The following STON1 variants were observed in gnomAD, a reference collection of about 807,000 sequenced individuals.
The protein encoded by STON1 is stonin-1.
In STON1, 79 loss-of-function variants were observed where a neutral mutation model predicts 60.9. That is an observed-to-expected ratio of 1.30 (90% CI 1.08 to 1.56). The LOEUF (loss-of-function observed/expected upper bound fraction) is 1.56. Ranked by LOEUF, STON1 falls within the 40% of genes most tolerant of loss-of-function variation. The pLI is 0.00. For missense variants in STON1, 1,166 were observed against 858.9 expected, an observed-to-expected ratio of 1.36 and a Z score of -4.47; for synonymous variants, 363 against 306.9, an observed-to-expected ratio of 1.18 and a Z score of -1.91.
At position 48,575,759 on chromosome 2, in the gene STON1, G is replaced by GT. The variant is rs535300380; in HGVS notation, c.-47-4812dup. Among the ~76,000 whole-genome samples the GT allele has an allele frequency of 1.3e-3, 149 of 111,808 alleles. 9 individuals are homozygous for GT. Among genetic ancestry groups the GT allele is most frequent in the Middle Eastern group, 4.9e-3 (1 of 206 alleles). 73.4% of individuals were successfully genotyped at this position (111,808 alleles called of 152,430 possible). A position where few individuals can be genotyped will look rare whatever the true frequency, so the allele number is the denominator to read the frequency against. On this transcript the variant is annotated intron_variant, in intron 1 of 3. Transcript: ENST00000404752. ...GTAGTTCTATTTTTAGTTTTTGTTT[G>GT]TTTTTTTTTTTTTTTTGAGATGCAG...
chr2:48,559,954 C>A (rs1375030077), intron 1 of STON1, among the ~76,000 whole-genome samples: 1 of 152,164 alleles, frequency 6.6e-6, no homozygotes, highest in East Asian at 1.9e-4. Context: ...ATAGGCCATT[C>A]CAATCTGAAT....
In STON1 at chr2:48,581,944, T is replaced by G. The variant is rs1673912009; in HGVS notation, c.1311T>G (p.Ala437=). Residue 437 remains alanine (A), a synonymous_variant, in exon 2 of 4, where the codon GCT becomes GCG. Coordinates refer to ENST00000404752, the MANE Select transcript of STON1 (RefSeq NM_006873.4). ...VTKEGKFVES[A]VITQIYCLCF... Reference sequence around the variant, plus strand: ...AAGAAGGAAAATTTGTTGAAAGTGCTGTGATAACTCAAATTTATTGCCTCT... The same window carrying G: ...AAGAAGGAAAATTTGTTGAAAGTGCGGTGATAACTCAAATTTATTGCCTCT... 1 of 1,614,204 alleles carries G rather than the reference T, an allele frequency of 6.2e-7. No homozygotes were observed. Among genetic ancestry groups the G allele is most frequent in the South Asian group, 1.1e-5 (1 of 91,080 alleles).
intron 1 of STON1, among the ~76,000 whole-genome samples, chr2:48,547,621 C>G (rs1671916354): frequency 6.6e-6 from 1 of 152,220 alleles, no homozygotes; most frequent in Non-Finnish European, 1.5e-5. Flanking sequence ...AAAATGTGCC[C>G]TGCTCTCAGG....
chr2:48,549,787 C>A (rs564438398), intron 1 of STON1, among the ~76,000 whole-genome samples: 1 of 140,124 alleles, frequency 7.1e-6, no homozygotes, highest in Non-Finnish European at 1.5e-5. Context: ...CACTCCAGCC[C>A]GGACGACAGA....
chr2:48,555,324 AC>A (rs529179336), intron 1 of STON1, among the ~76,000 whole-genome samples: 168 of 25,638 alleles, frequency 6.6e-3, no homozygotes, highest in Middle Eastern at 0.028. Context: ...GGGGGGGCTG[AC>A]CCCCCCCACC....
At chr2:48,563,541 C>G (rs1468195924) in intron 1 of STON1, among the ~76,000 whole-genome samples, 1 of 152,196 alleles carries the variant, frequency 6.6e-6, no homozygotes, top group Non-Finnish European at 1.5e-5. Flanking sequence ...ATGGTCATAG[C>G]AGACAGTGGG....
At chr2:48,564,486 C>CTTCT (rs1672794110) in intron 1 of STON1, among the ~76,000 whole-genome samples, 2 of 24,680 alleles carry the variant, frequency 8.1e-5, no homozygotes, top group Non-Finnish European at 1.6e-4. Context: ...CTTCTTTCTT[C>CTTCT]TTCTTCTTCT....
chr2:48,543,205 C>T (rs563201774), intron 1 of STON1, among the ~76,000 whole-genome samples: 6 of 152,090 alleles, frequency 3.9e-5, no homozygotes, highest in African/African-American at 1.2e-4. Flanking sequence ...AAACTCCTGA[C>T]GTCAGGTGAT....
intron 1 of STON1, among the ~76,000 whole-genome samples, chr2:48,566,376 A>G (rs1313390158): frequency 6.6e-6 from 1 of 152,144 alleles, no homozygotes; most frequent in Non-Finnish European, 1.5e-5. Context: ...GGGTTTCACC[A>G]TGTTGGTCAG....
At position 48,580,788 on chromosome 2, in the gene STON1, G is replaced by A. The variant is rs1673831471; in HGVS notation, c.155G>A (p.Ser52Asn). The change falls in exon 2 of 4, where the codon AGT becomes AAT. Residue 52 changes from serine (S) to asparagine (N), a missense_variant. Physicochemically the swap from Ser to Asn is conservative, Grantham distance 46 (BLOSUM62 1). Coordinates refer to ENST00000404752, the MANE Select transcript of STON1 (RefSeq NM_006873.4). ...LNLPGLREFP[S>N]GSSSTSSTPL... ...CTTCCTGGCCTCAGGGAATTTCCCA[G>A]TGGATCTTCCTCCACCAGCAGCACT... 6.4e-7 allele frequency: 1 copy of A among 1,556,328 alleles called. No homozygotes were observed. The highest frequency in any genetic ancestry group is 1.4e-5 in the African/African-American group (1 of 72,872).
chr2:48,581,370 G>T lies in STON1; in HGVS notation c.737G>T (p.Arg246Ile), dbSNP rs1456719538. The stretch of plus-strand genomic sequence containing the variant: ...TCAGCTGAGAACCAAGACTCACTTA[G>T]AAGTTTGTCTATGCACTGTCTATGT... ...LQSAENQDSL[R>I]SLSMHCLCAE... The change falls in exon 2 of 4, where the codon AGA becomes ATA. Residue 246 changes from arginine to isoleucine, a missense_variant. Physicochemically the swap from Arg to Ile is moderately conservative, Grantham distance 97. Coordinates refer to ENST00000404752, the MANE Select transcript of STON1 (RefSeq NM_006873.4). 6.3e-7 allele frequency: 1 copy of T among 1,575,252 alleles called. No individual in the cohort carries two copies. The highest frequency in any genetic ancestry group is 1.8e-5 in the Admixed American group (1 of 55,066).
intron 1 of STON1, chr2:48,569,151 T>A (rs1347739468): frequency 6.6e-6 from 1 of 152,212 alleles, no homozygotes; most frequent in Non-Finnish European, 1.5e-5. Flanking sequence ...TATTACTTCA[T>A]GAGTTTGTGA....
intron 1 of STON1, among the ~76,000 whole-genome samples, chr2:48,563,896 C>CACTATGTTGCCCAGGCTGGTCTTGA (rs1672716119): frequency 6.6e-6 from 1 of 151,588 alleles, no homozygotes; most frequent in Non-Finnish European, 1.5e-5. Context: ...GATGAGGTCT[C>CACTATGTTGCCCAGGCTGGTCTTGA]ACTATGTTGC....
intron 2 of STON1, among the ~76,000 whole-genome samples, chr2:48,587,167 A>G (rs1674255109): frequency 6.6e-6 from 1 of 152,206 alleles, no homozygotes; most frequent in Non-Finnish European, 1.5e-5. Flanking sequence ...TGATGTTTAT[A>G]AAGGCTCATG....
Position 48,595,701 on chromosome 2 carries a change from G to A in STON1, c.*399G>A. On this transcript the variant is annotated 3_prime_UTR_variant, in exon 4 of 4. Transcript: ENST00000404752. The stretch of plus-strand genomic sequence containing the variant: ...TGCTGCTTAGTGTCTGTACTAGAGG[G>A]TAAGGGAATCAAAGGAGACATAAAC... 1 of 183,004 alleles carries A rather than the reference G, an allele frequency of 5.5e-6. No homozygotes were observed. The highest frequency in any genetic ancestry group is 1.1e-5 in the Non-Finnish European group (1 of 89,350). The allele number at this position is 183,004 out of a possible 1,614,324, so 11.3% of individuals were successfully genotyped here. A position where few individuals can be genotyped will look rare whatever the true frequency, so the allele number is the denominator to read the frequency against.
At chr2:48,570,392 G>A (rs776905902) in intron 1 of STON1, among the ~76,000 whole-genome samples, 2 of 152,122 alleles carry the variant, frequency 1.3e-5, no homozygotes, top group Non-Finnish European at 2.9e-5. Flanking sequence ...GGGGTGGATT[G>A]TACAAACTGT....
Position 48,580,725 on chromosome 2 carries a change from A to G in STON1, c.92A>G (p.Asn31Ser), listed in dbSNP as rs1673825962. The G allele has an allele frequency of 6.7e-6, 10 of 1,502,628 alleles. No individual in the cohort carries two copies. The highest frequency in any genetic ancestry group is 8.9e-6 in the Non-Finnish European group (10 of 1,125,302). The allele number at this position is 1,502,628 out of a possible 1,614,324, so 93.1% of individuals were successfully genotyped here. ...AAGTCAAAGAATTTTCCTCTGGAGA[A>G]TCAAGGTGTCTGTAGACCAAATGGA... is the stretch of plus-strand genomic sequence containing the variant. ...SQKSKNFPLE[N>S]QGVCRPNGLK... is the part of the protein sequence containing the mutation. Residue 31 changes from asparagine to serine, a missense_variant, in exon 2 of 4, where the codon AAT (asparagine) becomes AGT (serine). Transcript: ENST00000404752.
At chr2:48,590,259 A>T (rs1386048948) in intron 2 of STON1, among the ~76,000 whole-genome samples, 1 of 152,192 alleles carries the variant, frequency 6.6e-6, no homozygotes, top group African/African-American at 2.4e-5. Flanking sequence ...AGTGGTAGAG[A>T]TGGCTAATGA....
At chr2:48,557,944 C>T (rs1672451539) in intron 1 of STON1, among the ~76,000 whole-genome samples, 1 of 152,194 alleles carries the variant, frequency 6.6e-6, no homozygotes, top group African/African-American at 2.4e-5. Flanking sequence ...AAAAATCTGT[C>T]AGGTGCGGTG....
Sources: allele counts gnomAD v4.1 joint callset (sites outside exome capture counted in the v4.1 genomes callset), GRCh38; gene constraint gnomAD v4.1.1; transcripts MANE v1.5; gene names NCBI Gene and HGNC (gene_info 2026-07-23, HGNC 2026-07-21).